Variants in LRP1 observed in about 807,000 individuals in gnomAD.
LRP1 encodes prolow-density lipoprotein receptor-related protein 1.
A neutral mutation model predicts 541.5 loss-of-function variants in LRP1; 51 were observed. The ratio of observed to expected loss-of-function variants is 0.09; its 90% CI spans 0.08 to 0.12. The LOEUF is 0.12. Among genes scored for constraint, LRP1 ranks in the 10% least tolerant of loss-of-function variants. The pLI is 1.00. For synonymous variants in LRP1, 2,219 were observed against 2,470.8 expected (o/e 0.90, Z 3.02); for missense variants, 3,878 against 6,376.2 (o/e 0.61, Z 13.34).
rs2036913058 is a variant in LRP1 at position 57,211,426 on chromosome 12, C to T, written c.13092-61C>T. 6.2e-7 allele frequency: 1 copy of T among 1,609,346 alleles called. No homozygotes were observed. The highest frequency in any genetic ancestry group is 8.5e-7 in the Non-Finnish European group (1 of 1,178,092). On this transcript the variant is annotated intron_variant, in intron 84 of 88. Transcript: ENST00000243077. This position sits in a 1 kb window ranked among gnomAD's most constrained non-coding sequence, Gnocchi z 4.3. ...CCTAGCCCTGCCCTGCCCCTCCCTT[C>T]CTCAGCATCCCAGGCACGCCTCTGC...
At chr12:57,163,479 T>C (rs1372622901) in intron 15 of LRP1, among the ~76,000 whole-genome samples, 1 of 151,506 alleles carries the variant, frequency 6.6e-6, no homozygotes, top group Non-Finnish European at 1.5e-5. Flanking sequence ...CTCGGGAGGC[T>C]GAGGCAGGAG....
chr12:57,179,982 A>G lies in LRP1; in HGVS notation c.5141+26A>G, dbSNP rs777448470. 6.2e-7 allele frequency: 1 copy of G among 1,613,772 alleles called. No homozygotes were observed. The highest frequency in any genetic ancestry group is 1.1e-5 in the South Asian group (1 of 91,070). On this transcript the variant is annotated intron_variant, in intron 30 of 88. Coordinates refer to ENST00000243077, the MANE Select transcript of LRP1 (RefSeq NM_002332.3). This position sits in a 1 kb window ranked among gnomAD's most constrained non-coding sequence, Gnocchi z 6.8. ...GTCAGTCTAGGGCCCAGGGCCGGGG[A>G]GCATGGGGTGTGGGGCTGGGAAGAA...
Position 57,209,883 on chromosome 12 carries a change from G to C in LRP1, c.12439+15G>C. 1.2e-6 allele frequency: 2 copies of C among 1,611,422 alleles called. No individual in the cohort carries two copies. Among genetic ancestry groups the C allele is most frequent in the Middle Eastern group, 3.3e-4 (2 of 6,026 alleles). Reference sequence around the variant, plus strand: ...GCAGCCCGAAGGTGGGGGCAGAGGGGAGCCTGGGCTGGGGAAGGGAGGCCT... The same window carrying C: ...GCAGCCCGAAGGTGGGGGCAGAGGGCAGCCTGGGCTGGGGAAGGGAGGCCT... On this transcript the variant is annotated intron_variant, in intron 80 of 88. Transcript: ENST00000243077.
chr12:57,148,003 A>G (rs1454051702), intron 6 of LRP1, among the ~76,000 whole-genome samples: 2 of 152,122 alleles, frequency 1.3e-5, no homozygotes, highest in African/African-American at 4.8e-5. Flanking sequence ...GGGGAGGTCT[A>G]TGAGGCTCGA....
chr12:57,167,618 AG>A (rs2035865695), intron 19 of LRP1, 94 bp downstream of exon 19: 3 of 987,130 alleles, frequency 3.0e-6, no homozygotes, highest in Non-Finnish European at 3.2e-6. Flanking sequence ...AGAATCCAGC[AG>A]GGCCTCCCTC....
chr12:57,197,241 C>T lies in LRP1; in HGVS notation c.9077-58C>T. ...CCCGGGTGGCAGAGCTCCAGACAGGCAGGAGACCAGGGCCGCTAGAATGTG... is the reference window on the plus strand; with the variant it reads ...CCCGGGTGGCAGAGCTCCAGACAGGTAGGAGACCAGGGCCGCTAGAATGTG... On this transcript the variant is annotated intron_variant, in intron 56 of 88. Transcript: ENST00000243077. The surrounding 1 kb of genome is among the most constrained non-coding windows in gnomAD (Gnocchi z 4.5). 6.2e-7 allele frequency: 1 copy of T among 1,611,944 alleles called. No homozygotes were observed. Among genetic ancestry groups the T allele is most frequent in the Non-Finnish European group, 8.5e-7 (1 of 1,178,058 alleles).
chr12:57,182,373 T>A (rs940959483), intron 34 of LRP1, among the ~76,000 whole-genome samples: 1 of 151,958 alleles, frequency 6.6e-6, no homozygotes, highest in South Asian at 2.1e-4. Context: ...TAGCTGGGCG[T>A]GGTGGTGGGC....
Position 57,198,536 on chromosome 12 carries a change from G to A in LRP1, c.9542G>A (p.Ser3181Asn), listed in dbSNP as rs766643286. The A allele has an allele frequency of 6.2e-7, 1 of 1,613,956 alleles. No homozygotes were observed. Among genetic ancestry groups the A allele is most frequent in the African/African-American group, 1.3e-5 (1 of 74,948 alleles). The change falls in exon 60 of 89, where the codon AGC (serine) becomes AAC (asparagine). Residue 3181 changes from serine (S) to asparagine (N), a missense_variant. Transcript: ENST00000243077. ...GRIGMDGSSR[S>N]VIVDTKITWP... ...ATCGGCATGGATGGGTCCAGCCGCA[G>A]CGTCATCGTGGACACCAAGATCACA...
chr12:57,190,965 C>T lies in LRP1; in HGVS notation c.7192C>T (p.Leu2398=). The T allele has an allele frequency of 3.1e-6, 5 of 1,613,010 alleles. No homozygotes were observed. Among genetic ancestry groups the T allele is most frequent in the Middle Eastern group, 3.3e-4 (2 of 6,062 alleles). ...GAAGCTCTACTTCTCTGACGCCACCCTGGACAAGATCGAGCGGTGCGAGTA... is the reference window on the plus strand; with the variant it reads ...GAAGCTCTACTTCTCTGACGCCACCTTGGACAAGATCGAGCGGTGCGAGTA... ...AEKLYFSDAT[L]DKIERCEYDG... Residue 2398 remains leucine, a synonymous_variant, in exon 43 of 89, where the codon CTG becomes TTG. Coordinates refer to ENST00000243077, the MANE Select transcript of LRP1 (RefSeq NM_002332.3).
chr12:57,185,697 G>A lies in LRP1; in HGVS notation c.6630G>A (p.Lys2210=). 6.2e-7 allele frequency: 1 copy of A among 1,614,140 alleles called. No homozygotes were observed. The highest frequency in any genetic ancestry group is 8.5e-7 in the Non-Finnish European group (1 of 1,180,022). The stretch of plus-strand genomic sequence containing the variant: ...TCTACTCAGAGCGCACCATTCTCAA[G>A]AGTATCCACCTGTCGGATGAGCGCA... ...YLLYSERTIL[K]SIHLSDERNL... The change falls in exon 41 of 89, where the codon AAG becomes AAA. Residue 2210 remains lysine, a synonymous_variant. Transcript: ENST00000243077. The surrounding 1 kb of genome is among the most constrained non-coding windows in gnomAD (Gnocchi z 4.9).
chr12:57,167,569 A>C, intron 19 of LRP1, 45 bp downstream of exon 19: 3 of 1,532,516 alleles, frequency 2.0e-6, no homozygotes, highest in Non-Finnish European at 2.7e-6. Context: ...AGACAGCTAG[A>C]GGCTACAGCC....
chr12:57,180,501 A>G, intron 32 of LRP1, 22 bp downstream of exon 32: 1 of 1,613,446 alleles, frequency 6.2e-7, no homozygotes, highest in Non-Finnish European at 8.5e-7. Flanking sequence ...TGGGCGAAGC[A>G]GAGATGACGC....
At position 57,178,726 on chromosome 12, in the gene LRP1, G is replaced by A; in HGVS notation, c.4606+123G>A. On this transcript the variant is annotated intron_variant, in intron 27 of 88. Transcript: ENST00000243077. This position sits in a 1 kb window ranked among gnomAD's most constrained non-coding sequence, Gnocchi z 5.8. ...GCAAGTCTGTGCTGGGATGGCAGGG[G>A]TAGGCCGGCTGTTGACAGAGGCACT... is the stretch of plus-strand genomic sequence containing the variant. The A allele has an allele frequency of 6.5e-7, 1 of 1,531,066 alleles. No homozygotes were observed. Among genetic ancestry groups the A allele is most frequent in the Non-Finnish European group, 8.9e-7 (1 of 1,129,596 alleles). 94.8% of individuals were successfully genotyped at this position (1,531,066 alleles called of 1,614,324 possible). A position where few individuals can be genotyped will look rare whatever the true frequency, so the allele number is the denominator to read the frequency against.
chr12:57,160,877 C>G lies in LRP1; in HGVS notation c.1980-16C>G. 1 of 1,607,328 alleles carries G rather than the reference C, an allele frequency of 6.2e-7. No individual in the cohort carries two copies. Among genetic ancestry groups the G allele is most frequent in the Non-Finnish European group, 8.5e-7 (1 of 1,174,906 alleles). On this transcript the variant is annotated splice_polypyrimidine_tract_variant and intron_variant, in intron 12 of 88. Coordinates refer to ENST00000243077, the MANE Select transcript of LRP1 (RefSeq NM_002332.3). ...GCGGGGGTGCCCAGGTGATGCTGAC[C>G]AGTCGCTGCCCACAGGTGGATGTAC... is the stretch of plus-strand genomic sequence containing the variant.
In LRP1 at chr12:57,183,678, G is replaced by A; in HGVS notation, c.5795-97G>A. 2 of 1,541,822 alleles carry A rather than the reference G, an allele frequency of 1.3e-6. No homozygotes were observed. The highest frequency in any genetic ancestry group is 2.3e-5 in the East Asian group (1 of 44,154). ...CCCCTTCAAGCACCTGGCCCCTCCG[G>A]CACTCTCTCACCTCTGTCTTGAGCC... On this transcript the variant is annotated intron_variant, in intron 35 of 88. Transcript: ENST00000243077. The surrounding 1 kb of genome is among the most constrained non-coding windows in gnomAD (Gnocchi z 6.1).
Position 57,189,236 on chromosome 12 carries a change from A to T in LRP1, c.7032-1569A>T, listed in dbSNP as rs2036328516. Among the ~76,000 whole-genome samples, 1 of 152,186 alleles carries T rather than the reference A, an allele frequency of 6.6e-6. No homozygotes were observed. The highest frequency in any genetic ancestry group is 2.1e-4 in the South Asian group (1 of 4,824). Reference sequence around the variant, plus strand: ...TCACATGGAGGAGTTTGTTGACGCCAGGAGGAAAACCACTTCTCACTGCAG... The same window carrying T: ...TCACATGGAGGAGTTTGTTGACGCCTGGAGGAAAACCACTTCTCACTGCAG... On this transcript the variant is annotated intron_variant, in intron 42 of 88. Transcript: ENST00000243077. This position sits in a 1 kb window ranked among gnomAD's most constrained non-coding sequence, Gnocchi z 4.4.
Position 57,201,489 on chromosome 12 carries a change from C to A in LRP1, c.10346-8C>A, listed in dbSNP as rs1482112931. On this transcript the variant is annotated splice_polypyrimidine_tract_variant and splice_region_variant and intron_variant, in intron 65 of 88. Coordinates refer to ENST00000243077, the MANE Select transcript of LRP1 (RefSeq NM_002332.3). The surrounding 1 kb of genome is among the most constrained non-coding windows in gnomAD (Gnocchi z 6.4). ...GGGAGGGCCCTCATTCTCTTGCCCACCCCACAGCCGAGGTGACCTGCGCCC... is the reference window on the plus strand; with the variant it reads ...GGGAGGGCCCTCATTCTCTTGCCCAACCCACAGCCGAGGTGACCTGCGCCC... The A allele has an allele frequency of 1.2e-6, 2 of 1,606,534 alleles. No homozygotes were observed. The highest frequency in any genetic ancestry group is 1.7e-5 in the Admixed American group (1 of 59,532).
At position 57,210,178 on chromosome 12, in the gene LRP1, A is replaced by G; in HGVS notation, c.12580+9A>G. On this transcript the variant is annotated intron_variant, in intron 81 of 88. Transcript: ENST00000243077. ...AACGCCCCCCCCAGATGGTATGCTT[A>G]TGCCCTCCCAGTCCCAGCCATGCCT... 6.3e-7 allele frequency: 1 copy of G among 1,586,436 alleles called. No homozygotes were observed. The highest frequency in any genetic ancestry group is 1.3e-5 in the African/African-American group (1 of 74,432).
chr12:57,129,234 G>T (rs945369652), intron 1 of LRP1: 1 of 587,576 alleles, frequency 1.7e-6, no homozygotes, highest in Admixed American at 2.9e-5. Flanking sequence ...TGCTTCCGGG[G>T]CCCCCCAGCA....
Sources: gnomAD v4.1 joint callset for allele counts (sites outside exome capture counted in the v4.1 genomes callset) on GRCh38, gnomAD v4.1.1 for gene constraint, Gnocchi (gnomAD v3.1) non-coding constraint, MANE v1.5 for transcripts, NCBI Gene and HGNC (gene_info 2026-07-23, HGNC 2026-07-21) for gene names.